The following CAST variants were observed in gnomAD, a reference collection of about 807,000 sequenced individuals.
CAST encodes the protein calpastatin.
A neutral mutation model predicts 119.6 loss-of-function variants in CAST; 76 were observed. The observed-to-expected ratio is 0.64, with a 90% CI of 0.53 to 0.77. CAST has a LOEUF of 0.77. Among genes scored for constraint, CAST ranks in the 30% least tolerant of loss-of-function variants. CAST has a pLI of 0.00. For missense variants in CAST, 953 were observed against 946.5 expected (o/e 1.01, Z -0.09); for synonymous variants, 319 against 331.6 (o/e 0.96, Z 0.41).
At chr5:96,768,080 GATCT>G (rs1188012275) in intron 29 of CAST, 81 bp downstream of exon 29, 10 of 927,494 alleles carry the variant, frequency 1.1e-5, no homozygotes, top group Admixed American at 5.6e-5. Flanking sequence ...TTTATTGATT[GATCT>G]ATCTATCGGT....
At chr5:96,241,009 G>T in the CAST span, among the ~76,000 whole-genome samples, 4 of 151,880 alleles carry the variant, frequency 2.6e-5, no homozygotes, top group African/African-American at 7.3e-5. Context: ...CTATTTATAT[G>T]ATAAGCATGT....
chr5:96,041,128 G>T, the CAST span, among the ~76,000 whole-genome samples: 2 of 152,020 alleles, frequency 1.3e-5, no homozygotes, highest in South Asian at 2.1e-4. Context: ...CTTAAGTGTG[G>T]GTTGCTTATA....
the CAST span, among the ~76,000 whole-genome samples, chr5:96,395,498 T>C: frequency 1.3e-5 from 2 of 152,320 alleles, no homozygotes; most frequent in African/African-American, 4.8e-5. Flanking sequence ...TGCAGGGACA[T>C]GGATAAAGCT....
the CAST span, among the ~76,000 whole-genome samples, chr5:96,295,105 G>T: frequency 6.6e-6 from 1 of 152,292 alleles, no homozygotes; most frequent in South Asian, 2.1e-4. Flanking sequence ...AAACAAACTA[G>T]TAGAAATTCT....
the CAST span, among the ~76,000 whole-genome samples, chr5:96,271,589 CA>C: frequency 7.1e-6 from 1 of 141,160 alleles, no homozygotes; most frequent in Admixed American, 7.2e-5. Context: ...TCACGATGTA[CA>C]AAAATCAAAT....
the CAST span, among the ~76,000 whole-genome samples, chr5:96,078,982 G>A: frequency 6.6e-6 from 1 of 152,056 alleles, no homozygotes; most frequent in Admixed American, 6.6e-5. Flanking sequence ...TATAATTAAT[G>A]GGTTCTAGAC....
chr5:96,607,077 A>T (rs1747271874), intron 1 of CAST, among the ~76,000 whole-genome samples: 1 of 152,194 alleles, frequency 6.6e-6, no homozygotes, highest in Non-Finnish European at 1.5e-5. Context: ...TCACGAGGTC[A>T]GGAGATCAAG....
At chr5:96,511,207 C>T in the CAST span, among the ~76,000 whole-genome samples, 2 of 152,132 alleles carry the variant, frequency 1.3e-5, no homozygotes, top group Non-Finnish European at 2.9e-5. Flanking sequence ...TGCAGTGGTG[C>T]GATCTCAGCT....
At chr5:96,644,803 C>T (rs1273784997) in intron 1 of CAST, among the ~76,000 whole-genome samples, 10 of 152,096 alleles carry the variant, frequency 6.6e-5, no homozygotes, top group African/African-American at 1.9e-4. Flanking sequence ...GGTGAAACCC[C>T]GTGTCTACTA....
chr5:96,282,047 G>A, the CAST span, among the ~76,000 whole-genome samples: 3,256 of 152,162 alleles, frequency 0.021, 110 homozygotes, highest in African/African-American at 0.075. Context: ...ATCACTTTCT[G>A]GGGTGGTTTG....
At chr5:96,412,452 C>A in the CAST span, 10 of 1,613,998 alleles carry the variant, frequency 6.2e-6, no homozygotes, top group Non-Finnish European at 8.5e-6. Context: ...GAACTGGCCT[C>A]AATAGCATCC....
chr5:96,711,303 T>C (rs1756098654), intron 3 of CAST, among the ~76,000 whole-genome samples: 1 of 152,046 alleles, frequency 6.6e-6, no homozygotes, highest in Admixed American at 6.6e-5. Context: ...AGACAACCAA[T>C]ATAAAACAAA....
the CAST span, among the ~76,000 whole-genome samples, chr5:96,383,198 G>T: frequency 2.0e-5 from 3 of 152,232 alleles, no homozygotes; most frequent in East Asian, 5.8e-4. Context: ...CCTGAGGAAA[G>T]AATTTATAAA....
chr5:96,629,312 A>G (rs778695877), intron 1 of CAST, among the ~76,000 whole-genome samples: 1 of 152,182 alleles, frequency 6.6e-6, no homozygotes, highest in Non-Finnish European at 1.5e-5. Context: ...CCCATTCTCC[A>G]GAACCATGAG....
the CAST span, among the ~76,000 whole-genome samples, chr5:96,498,769 C>T: frequency 1.6e-4 from 24 of 152,132 alleles, no homozygotes; most frequent in Non-Finnish European, 2.6e-4. Context: ...ATGTCCGCTG[C>T]CACCCTTTCA....
At chr5:96,587,661 C>A (rs1308391280) in intron 1 of CAST, among the ~76,000 whole-genome samples, 1 of 152,070 alleles carries the variant, frequency 6.6e-6, no homozygotes, top group Non-Finnish European at 1.5e-5. Flanking sequence ...GAAGCTATTG[C>A]CAATTTCAGC....
At chr5:96,214,848 A>G in the CAST span, 1 of 152,228 alleles carries the variant, frequency 6.6e-6, no homozygotes, top group Non-Finnish European at 1.5e-5. Context: ...CCATAATCCA[A>G]GAAAAAGTCT....
At chr5:96,600,964 C>A (rs975464304) in intron 1 of CAST, among the ~76,000 whole-genome samples, 25 of 152,176 alleles carry the variant, frequency 1.6e-4, no homozygotes, top group African/African-American at 6.0e-4. Flanking sequence ...GGATTTTGGT[C>A]TCCCTCTGTT....
the CAST span, among the ~76,000 whole-genome samples, chr5:96,323,757 A>G: frequency 6.6e-6 from 1 of 152,200 alleles, no homozygotes; most frequent in African/African-American, 2.4e-5. Flanking sequence ...ACAGGGAACC[A>G]TAGAGGCTAT....
Sources: gnomAD v4.1 joint callset for allele counts (sites outside exome capture counted in the v4.1 genomes callset) on GRCh38, gnomAD v4.1.1 for gene constraint, MANE v1.5 for transcripts, NCBI Gene and HGNC (gene_info 2026-07-23, HGNC 2026-07-21) for gene names.